LUZP2: variants seen among roughly 807,000 people sequenced by gnomAD.
LUZP2 encodes the protein leucine zipper protein 2.
In LUZP2, 52 loss-of-function variants were observed where a neutral mutation model predicts 51.6. That is an observed-to-expected ratio of 1.01 (90% CI 0.81 to 1.27). The LOEUF (loss-of-function observed/expected upper bound fraction) is 1.27, where lower values mean the gene tolerates loss of function less well. LUZP2 is among the 50% of genes most tolerant of loss of function. The pLI is 0.00. For synonymous variants in LUZP2, 154 were observed against 137.3 expected (o/e 1.12, Z -0.85); for missense variants, 436 against 395.4 (o/e 1.10, Z -0.87).
chr11:24,835,956 A>G (rs1363997475), intron 5 of LUZP2, among the ~76,000 whole-genome samples: 1 of 152,020 alleles, frequency 6.6e-6, no homozygotes, highest in African/African-American at 2.4e-5. Flanking sequence ...CAAAATTCTG[A>G]AGGAAGATTA....
chr11:24,738,653 G>C (rs138669848), intron 4 of LUZP2, among the ~76,000 whole-genome samples: 6 of 152,012 alleles, frequency 3.9e-5, no homozygotes, highest in African/African-American at 1.4e-4. Context: ...TAGTTAAGTC[G>C]CACCCCACAT....
intron 1 of LUZP2, among the ~76,000 whole-genome samples, chr11:24,520,937 C>T (rs1043364688): frequency 1.3e-5 from 2 of 152,162 alleles, no homozygotes; most frequent in African/African-American, 4.8e-5. Context: ...CCTCAGTCCG[C>T]ACCATCATTA....
chr11:24,513,969 GT>G (rs1464184392), intron 1 of LUZP2, among the ~76,000 whole-genome samples: 1 of 152,222 alleles, frequency 6.6e-6, no homozygotes, highest in African/African-American at 2.4e-5. Flanking sequence ...TCCAAGTGTA[GT>G]GCATTCTGCA....
intron 7 of LUZP2, among the ~76,000 whole-genome samples, chr11:24,941,343 C>T (rs1854739573): frequency 6.6e-6 from 1 of 152,068 alleles, no homozygotes; most frequent in Non-Finnish European, 1.5e-5. Flanking sequence ...TTATGTTTCA[C>T]CTCTTTAATG....
intron 10 of LUZP2, among the ~76,000 whole-genome samples, chr11:25,053,688 A>T (rs916187945): frequency 1.3e-5 from 2 of 151,894 alleles, no homozygotes; most frequent in Non-Finnish European, 2.9e-5. Context: ...TTCTTTATCC[A>T]TTCACCAATT....
intron 1 of LUZP2, among the ~76,000 whole-genome samples, chr11:24,657,958 A>G (rs1311565254): frequency 1.3e-5 from 2 of 152,214 alleles, no homozygotes; most frequent in African/African-American, 2.4e-5. Context: ...TTCCATGCTC[A>G]TGGGTAGGAA....
chr11:24,906,740 G>C (rs972564722), intron 6 of LUZP2, among the ~76,000 whole-genome samples: 1 of 152,068 alleles, frequency 6.6e-6, no homozygotes, highest in African/African-American at 2.4e-5. Context: ...TGTTTTAGCT[G>C]CATCCTCCAA....
intron 9 of LUZP2, among the ~76,000 whole-genome samples, chr11:25,038,062 T>A (rs1277720160): frequency 1.3e-5 from 2 of 152,044 alleles, no homozygotes; most frequent in South Asian, 4.1e-4. Context: ...TGGTATTGAT[T>A]TCTATTTTAT....
chr11:24,757,621 T>C (rs1214966985), intron 4 of LUZP2, among the ~76,000 whole-genome samples: 2 of 151,746 alleles, frequency 1.3e-5, no homozygotes, highest in Non-Finnish European at 2.9e-5. Flanking sequence ...CAAAAAACAA[T>C]AAACTATGAA....
intron 9 of LUZP2, among the ~76,000 whole-genome samples, chr11:24,992,951 T>C (rs1215604205): frequency 6.6e-6 from 1 of 152,158 alleles, no homozygotes; most frequent in East Asian, 1.9e-4. Context: ...ATTTGAAAAT[T>C]ACCTGAAGTG....
At chr11:25,033,334 G>A (rs1404116962) in intron 9 of LUZP2, among the ~76,000 whole-genome samples, 1 of 152,074 alleles carries the variant, frequency 6.6e-6, no homozygotes, top group African/African-American at 2.4e-5. Context: ...AGGAAAGCAT[G>A]GATTTTCTTG....
At chr11:24,884,659 C>T (rs1852611118) in intron 5 of LUZP2, among the ~76,000 whole-genome samples, 1 of 152,030 alleles carries the variant, frequency 6.6e-6, no homozygotes, top group East Asian at 1.9e-4. Flanking sequence ...TGTAGAACTA[C>T]AAGAACTAGA....
intron 4 of LUZP2, among the ~76,000 whole-genome samples, chr11:24,749,743 C>T (rs1356442730): frequency 6.6e-6 from 1 of 152,154 alleles, no homozygotes; most frequent in Non-Finnish European, 1.5e-5. Context: ...TTTCTCCTGC[C>T]CTTGGACATC....
At chr11:24,749,946 G>C (rs896105463) in intron 4 of LUZP2, among the ~76,000 whole-genome samples, 1 of 152,110 alleles carries the variant, frequency 6.6e-6, no homozygotes, top group Non-Finnish European at 1.5e-5. Context: ...ACTTCGCCTT[G>C]TGATCCTGTA....
chr11:24,960,067 T>C (rs1238518895), intron 7 of LUZP2, among the ~76,000 whole-genome samples: 1 of 152,170 alleles, frequency 6.6e-6, no homozygotes, highest in Non-Finnish European at 1.5e-5. Context: ...GATTTGTGTA[T>C]ATTGAACCAG....
At chr11:25,066,797 C>T (rs1859007817) in intron 10 of LUZP2, among the ~76,000 whole-genome samples, 1 of 151,868 alleles carries the variant, frequency 6.6e-6, no homozygotes, top group Admixed American at 6.6e-5. Flanking sequence ...GGGTAAATGC[C>T]ATTATCTCTG....
At chr11:24,859,564 G>GTGCTC (rs368111891) in intron 5 of LUZP2, among the ~76,000 whole-genome samples, 23,633 of 152,116 alleles carry the variant, frequency 0.16, 1,989 homozygotes, top group African/African-American at 0.21. Context: ...GACCAAAATG[G>GTGCTC]CAACTAGAAG....
chr11:24,878,398 A>G (rs1474736622), intron 5 of LUZP2, among the ~76,000 whole-genome samples: 3 of 152,100 alleles, frequency 2.0e-5, no homozygotes. Context: ...GTTTACCCTG[A>G]AAAATCTGCC....
At chr11:24,523,160 A>G (rs1325261708) in intron 1 of LUZP2, among the ~76,000 whole-genome samples, 2 of 152,006 alleles carry the variant, frequency 1.3e-5, no homozygotes, top group African/African-American at 2.4e-5. Flanking sequence ...TGCTTTTATT[A>G]TATCCTGCCA....
Sources: allele counts gnomAD v4.1 joint callset (sites outside exome capture counted in the v4.1 genomes callset), GRCh38; gene constraint gnomAD v4.1.1; transcripts MANE v1.5; gene names NCBI Gene and HGNC (gene_info 2026-07-23, HGNC 2026-07-21).